NRG1: variants seen among roughly 807,000 people sequenced by gnomAD.
NRG1 encodes the protein pro-neuregulin-1, membrane-bound isoform.
A neutral mutation model predicts 63.8 loss-of-function variants in NRG1; 18 were observed. The ratio of observed to expected loss-of-function variants is 0.28; its 90% CI spans 0.19 to 0.42. The LOEUF (loss-of-function observed/expected upper bound fraction) is 0.42, where lower values mean the gene tolerates loss of function less well. Ranked by LOEUF, NRG1 falls within the 10% of genes least tolerant of loss-of-function variation. The pLI, the probability that NRG1 is intolerant of heterozygous loss-of-function variation, is 1.00. For missense variants in NRG1, 762 were observed against 814.7 expected (o/e 0.94, Z 0.79); for synonymous variants, 302 against 301.3 (o/e 1.00, Z -0.02).
chr8:31,930,676 G>T (rs1013361754), intron 1 of NRG1, among the ~76,000 whole-genome samples: 3 of 151,734 alleles, frequency 2.0e-5, no homozygotes, highest in Admixed American at 1.3e-4. Flanking sequence ...GTATTTTTTT[G>T]AAGACAACTT....
At chr8:32,016,593 T>C (rs1402650569) in intron 1 of NRG1, among the ~76,000 whole-genome samples, 2 of 152,220 alleles carry the variant, frequency 1.3e-5, no homozygotes, top group Non-Finnish European at 2.9e-5. Flanking sequence ...AGTTTTGTTC[T>C]GTCTTTCATT....
chr8:31,867,864 T>C (rs10503894), intron 1 of NRG1, among the ~76,000 whole-genome samples: 22,949 of 152,114 alleles, frequency 0.15, 2,056 homozygotes, highest in Non-Finnish European at 0.19. Context: ...ATGTATTTTA[T>C]AACCATATCA....
chr8:32,525,923 A>G (rs963647121), intron 1 of NRG1, among the ~76,000 whole-genome samples: 2 of 151,620 alleles, frequency 1.3e-5, no homozygotes, highest in African/African-American at 4.8e-5. Context: ...TGTCTTTTCT[A>G]CTCTATCTCT....
intron 1 of NRG1, among the ~76,000 whole-genome samples, chr8:32,386,405 A>G (rs1811032312): frequency 6.6e-6 from 1 of 152,220 alleles, no homozygotes; most frequent in African/African-American, 2.4e-5. Context: ...TCTTTGCAAA[A>G]TAAGGAAATT....
intron 7 of NRG1, among the ~76,000 whole-genome samples, chr8:32,748,358 CAGAGAGAGAGAGAGAG>C (rs34657847): frequency 9.0e-5 from 11 of 122,010 alleles, no homozygotes; most frequent in African/African-American, 2.7e-4. Flanking sequence ...CACACACACA[CAGAGAGAGAGAGAGAG>C]AGAGAGAGAG....
chr8:31,774,684 C>G (rs1375755192), intron 1 of NRG1, among the ~76,000 whole-genome samples: 4 of 152,104 alleles, frequency 2.6e-5, no homozygotes, highest in East Asian at 1.9e-4. Context: ...TTTGCAGAAG[C>G]TTTTTATTTA....
intron 1 of NRG1, among the ~76,000 whole-genome samples, chr8:31,768,706 C>T (rs983803189): frequency 1.3e-5 from 2 of 152,164 alleles, no homozygotes; most frequent in Admixed American, 1.3e-4. Flanking sequence ...TTTTTGGGAA[C>T]CCTAAGTACA....
intron 1 of NRG1, among the ~76,000 whole-genome samples, chr8:31,924,512 A>G (rs988154720): frequency 6.6e-6 from 1 of 151,858 alleles, no homozygotes; most frequent in Non-Finnish European, 1.5e-5. Context: ...TTCCTCAATA[A>G]GGCTTGTTAA....
At chr8:31,826,724 TA>T (rs1241710102) in intron 1 of NRG1, among the ~76,000 whole-genome samples, 1 of 152,062 alleles carries the variant, frequency 6.6e-6, no homozygotes, top group Admixed American at 6.5e-5. Context: ...AGGTGTGGAG[TA>T]GAAGAATATA....
At chr8:32,749,601 A>G (rs1379007341) in intron 7 of NRG1, 1 of 1,613,056 alleles carries the variant, frequency 6.2e-7, no homozygotes, top group African/African-American at 1.3e-5. Flanking sequence ...ACCAATCATC[A>G]TTCCTTTTAG....
At chr8:32,050,522 AC>A (rs953936832) in intron 1 of NRG1, among the ~76,000 whole-genome samples, 4 of 152,154 alleles carry the variant, frequency 2.6e-5, no homozygotes, top group African/African-American at 9.7e-5. Flanking sequence ...TAGCAGGTGT[AC>A]CATAAATGCC....
At chr8:31,914,046 T>C (rs1833169222) in intron 1 of NRG1, among the ~76,000 whole-genome samples, 1 of 152,206 alleles carries the variant, frequency 6.6e-6, no homozygotes, top group Non-Finnish European at 1.5e-5. Context: ...ATCCCATTTC[T>C]AAGAACTTAG....
intron 1 of NRG1, among the ~76,000 whole-genome samples, chr8:31,692,087 C>T (rs940648462): frequency 2.0e-5 from 3 of 152,212 alleles, no homozygotes; most frequent in African/African-American, 7.2e-5. Flanking sequence ...CCTGCTTAGG[C>T]ATCCCAAATT....
intron 1 of NRG1, chr8:32,440,923 A>C (rs1819449933): frequency 6.6e-6 from 1 of 152,224 alleles, no homozygotes; most frequent in Admixed American, 6.5e-5. Context: ...AGGTTTTCAC[A>C]AAGCAAAAAA....
At chr8:32,653,063 T>C (rs781550095) in intron 5 of NRG1, among the ~76,000 whole-genome samples, 1 of 152,206 alleles carries the variant, frequency 6.6e-6, no homozygotes, top group Non-Finnish European at 1.5e-5. Context: ...CTCATGTTTC[T>C]ACTTTTATTA....
intron 4 of NRG1, among the ~76,000 whole-genome samples, chr8:32,616,140 C>T (rs543021157): frequency 1.1e-3 from 166 of 152,082 alleles, no homozygotes; most frequent in Non-Finnish European, 1.6e-3. Flanking sequence ...AAAACCCATC[C>T]GTTCCATGCT....
chr8:31,793,876 A>G (rs1041557941), intron 1 of NRG1, among the ~76,000 whole-genome samples: 7 of 151,770 alleles, frequency 4.6e-5, no homozygotes, highest in Admixed American at 2.0e-4. Flanking sequence ...TTTTTAGTAT[A>G]TTCTCCCTTC....
At chr8:31,747,870 G>A (rs1816051520) in intron 1 of NRG1, among the ~76,000 whole-genome samples, 1 of 151,894 alleles carries the variant, frequency 6.6e-6, no homozygotes, top group African/African-American at 2.4e-5. Context: ...CTTGGCTGCT[G>A]ATGTATATTT....
At chr8:31,976,213 TG>T (rs1373177473) in intron 1 of NRG1, among the ~76,000 whole-genome samples, 4 of 152,222 alleles carry the variant, frequency 2.6e-5, no homozygotes, top group African/African-American at 9.6e-5. Context: ...TTGGGAGTTC[TG>T]GATTTAACTG....
Sources: allele counts gnomAD v4.1 joint callset (sites outside exome capture counted in the v4.1 genomes callset), GRCh38; gene constraint gnomAD v4.1.1; transcripts MANE v1.5; gene names NCBI Gene and HGNC (gene_info 2026-07-23, HGNC 2026-07-21).